TMEM163: variants seen among roughly 807,000 people sequenced by gnomAD.
TMEM163 encodes transmembrane protein 163.
Under a neutral mutation model 29.3 loss-of-function variants are expected in TMEM163, and 17 were observed. That is an observed-to-expected ratio of 0.58 (90% CI 0.40 to 0.87). The LOEUF (loss-of-function observed/expected upper bound fraction) is 0.87. Ranked by LOEUF, TMEM163 falls within the 40% of genes least tolerant of loss-of-function variation. The pLI, the probability that TMEM163 is intolerant of heterozygous loss-of-function variation, is 0.00. For missense variants in TMEM163, 303 were observed against 381.5 expected, an observed-to-expected ratio of 0.79 and a Z score of 1.71; for synonymous variants, 157 against 160.6, an observed-to-expected ratio of 0.98 and a Z score of 0.17.
At chr2:134,648,617 A>G (rs6735411) in intron 2 of TMEM163, among the ~76,000 whole-genome samples, 6,895 of 152,226 alleles carry the variant, frequency 0.045, 536 homozygotes, top group African/African-American at 0.15. Flanking sequence ...AGCTGGCAAC[A>G]ACGAAAGATT....
chr2:134,603,737 C>A (rs1682286849), intron 2 of TMEM163, among the ~76,000 whole-genome samples: 2 of 151,786 alleles, frequency 1.3e-5, no homozygotes, highest in South Asian at 2.1e-4. Context: ...AGGCTAAGGA[C>A]CCTCTCCTTC....
chr2:134,462,886 C>T (rs529907869), intron 6 of TMEM163, among the ~76,000 whole-genome samples: 2 of 152,346 alleles, frequency 1.3e-5, no homozygotes, highest in South Asian at 4.1e-4. Context: ...GGGGCTCTGA[C>T]TGCTGGATCC....
intron 2 of TMEM163, among the ~76,000 whole-genome samples, chr2:134,711,467 T>C (rs1298530997): frequency 6.6e-6 from 1 of 152,222 alleles, no homozygotes. Flanking sequence ...TGATATTATA[T>C]GCCAATACCA....
intron 2 of TMEM163, among the ~76,000 whole-genome samples, chr2:134,643,293 ATAAATGGAATAGTACTC>A (rs925701141): frequency 1.3e-5 from 2 of 152,154 alleles, no homozygotes; most frequent in African/African-American, 4.8e-5. Flanking sequence ...AATGAAAGAG[ATAAATGGAATAGTACTC>A]TAACTGTTAT....
chr2:134,521,081 C>A (rs1574202520), intron 4 of TMEM163, among the ~76,000 whole-genome samples: 1 of 151,968 alleles, frequency 6.6e-6, no homozygotes, highest in Non-Finnish European at 1.5e-5. Flanking sequence ...TCACTGCAAC[C>A]TCCACCTCCC....
intron 2 of TMEM163, among the ~76,000 whole-genome samples, chr2:134,600,647 G>A (rs553551032): frequency 6.6e-6 from 1 of 152,130 alleles, no homozygotes; most frequent in Non-Finnish European, 1.5e-5. Flanking sequence ...TCATTAGGGG[G>A]AATAGGGCAT....
chr2:134,456,640 T>C lies in TMEM163; in HGVS notation c.*76A>G. On this transcript the variant is annotated 3_prime_UTR_variant, in exon 8 of 8. Coordinates refer to ENST00000281924, the MANE Select transcript of TMEM163 (RefSeq NM_030923.5). ...AAAACTTCCAAAAAGAAACCAGATGTTCAGTTAAATATTGGCACCCTTTGC... is the reference window on the plus strand; with the variant it reads ...AAAACTTCCAAAAAGAAACCAGATGCTCAGTTAAATATTGGCACCCTTTGC... 6.6e-7 allele frequency: 1 copy of C among 1,525,892 alleles called. No homozygotes were observed. Among genetic ancestry groups the C allele is most frequent in the African/African-American group, 1.4e-5 (1 of 72,930 alleles). The allele number at this position is 1,525,892 out of a possible 1,614,324, so 94.5% of individuals were successfully genotyped here.
intron 2 of TMEM163, among the ~76,000 whole-genome samples, chr2:134,707,241 G>T (rs1245457611): frequency 1.3e-5 from 2 of 152,182 alleles, no homozygotes; most frequent in Non-Finnish European, 2.9e-5. Flanking sequence ...AGGAGCTTGC[G>T]AAGAGGCCCG....
chr2:134,572,300 C>T (rs1287113629), intron 2 of TMEM163, among the ~76,000 whole-genome samples: 3 of 152,198 alleles, frequency 2.0e-5, no homozygotes, highest in Non-Finnish European at 4.4e-5. Context: ...AGAGCAGAGA[C>T]TGCAAATTGA....
At chr2:134,487,752 A>G (rs1373682225) in intron 5 of TMEM163, among the ~76,000 whole-genome samples, 1 of 152,238 alleles carries the variant, frequency 6.6e-6, no homozygotes, top group African/African-American at 2.4e-5. Context: ...AACATGGCAC[A>G]TGATGGAGGT....
intron 2 of TMEM163, among the ~76,000 whole-genome samples, chr2:134,691,627 C>A (rs1684469768): frequency 6.6e-6 from 1 of 152,236 alleles, no homozygotes; most frequent in African/African-American, 2.4e-5. Context: ...CCAGGCTTCT[C>A]CAATAGACAG....
intron 2 of TMEM163, among the ~76,000 whole-genome samples, chr2:134,685,962 A>G (rs1434629360): frequency 6.6e-6 from 1 of 152,240 alleles, no homozygotes; most frequent in Non-Finnish European, 1.5e-5. Context: ...TGTCTAGAAC[A>G]AGACTATCTT....
intron 2 of TMEM163, among the ~76,000 whole-genome samples, chr2:134,567,801 T>C (rs1681329254): frequency 6.6e-6 from 1 of 152,188 alleles, no homozygotes; most frequent in Non-Finnish European, 1.5e-5. Flanking sequence ...TTGTGGATGA[T>C]GTTAATGGGG....
At chr2:134,667,483 C>T (rs111324407) in intron 2 of TMEM163, among the ~76,000 whole-genome samples, 160 of 152,294 alleles carry the variant, frequency 1.1e-3, no homozygotes, top group African/African-American at 3.5e-3. Context: ...TCCATGTTAA[C>T]GCACTCAACA....
At chr2:134,525,347 T>G in intron 4 of TMEM163, among the ~76,000 whole-genome samples, 1 of 152,218 alleles carries the variant, frequency 6.6e-6, no homozygotes, top group East Asian at 1.9e-4. Context: ...CTGAGGCCCC[T>G]GGAGTCTGAG....
chr2:134,600,650 T>A (rs1180915011), intron 2 of TMEM163, among the ~76,000 whole-genome samples: 1 of 152,136 alleles, frequency 6.6e-6, no homozygotes, highest in African/African-American at 2.4e-5. Flanking sequence ...TTAGGGGGAA[T>A]AGGGCATCAA....
At chr2:134,667,317 G>A (rs1007865822) in intron 2 of TMEM163, among the ~76,000 whole-genome samples, 1 of 152,242 alleles carries the variant, frequency 6.6e-6, no homozygotes, top group Non-Finnish European at 1.5e-5. Flanking sequence ...ATGGCCATGA[G>A]ATGAAGTTCT....
intron 2 of TMEM163, among the ~76,000 whole-genome samples, chr2:134,605,640 C>A (rs1193327292): frequency 6.6e-6 from 1 of 151,446 alleles, no homozygotes; most frequent in African/African-American, 2.4e-5. Context: ...GAGCTGAGAT[C>A]GCGCCATTGC....
At chr2:134,612,235 T>C (rs937399261) in intron 2 of TMEM163, among the ~76,000 whole-genome samples, 2 of 152,192 alleles carry the variant, frequency 1.3e-5, no homozygotes, top group African/African-American at 4.8e-5. Flanking sequence ...ATCTCCAGGG[T>C]GCTTGTTGAA....
Sources: allele counts gnomAD v4.1 joint callset (sites outside exome capture counted in the v4.1 genomes callset), GRCh38; gene constraint gnomAD v4.1.1; transcripts MANE v1.5; gene names NCBI Gene and HGNC (gene_info 2026-07-23, HGNC 2026-07-21).